DNAJC13: variants seen among roughly 807,000 people sequenced by gnomAD.
DNAJC13 encodes dnaJ homolog subfamily C member 13.
Under a neutral mutation model 290.5 loss-of-function variants are expected in DNAJC13, and 75 were observed. The ratio of observed to expected loss-of-function variants is 0.26; its 90% confidence interval spans 0.21 to 0.31. DNAJC13 has a LOEUF of 0.31. Ranked by LOEUF, DNAJC13 falls within the 10% of genes least tolerant of loss-of-function variation. The probability of loss-of-function intolerance (pLI) is 1.00; values close to 1 mark genes in which losing one functional copy is unlikely to be tolerated. For synonymous variants in DNAJC13, 862 were observed against 892.0 expected, an observed-to-expected ratio of 0.97 and a Z score of 0.60; for missense variants, 2,260 against 2,674.5, an observed-to-expected ratio of 0.85 and a Z score of 3.42.
intron 54 of DNAJC13, among the ~76,000 whole-genome samples, chr3:132,529,499 G>T (rs111464355): frequency 6.6e-6 from 1 of 152,132 alleles, no homozygotes; most frequent in Non-Finnish European, 1.5e-5. Context: ...GATTTAAAAT[G>T]ATATTAGGCT....
intron 2 of DNAJC13, among the ~76,000 whole-genome samples, chr3:132,435,858 A>G (rs1939371332): frequency 2.0e-5 from 3 of 152,202 alleles, no homozygotes; most frequent in Admixed American, 2.0e-4. Context: ...ACTTACTGCA[A>G]TGCTTTTCGA....
chr3:132,451,079 A>G (rs1933401429), intron 6 of DNAJC13, among the ~76,000 whole-genome samples: 1 of 152,132 alleles, frequency 6.6e-6, no homozygotes, highest in Admixed American at 6.6e-5. Flanking sequence ...TTTACACACA[A>G]TGGATGGCTT....
At position 132,502,308 on chromosome 3, in the gene DNAJC13, C is replaced by T. The variant is rs1301356173; in HGVS notation, c.4556C>T (p.Ala1519Val). Residue 1519 changes from alanine (A) to valine (V), a missense_variant, in exon 40 of 56, where the codon GCT becomes GTT. Physicochemically the swap from Ala to Val is moderately conservative, Grantham distance 64 (BLOSUM62 0). Coordinates refer to ENST00000260818, the MANE Select transcript of DNAJC13 (RefSeq NM_015268.4). ...YFGKSIPRVAALGVECVSSFA... is the reference protein window; with the variant it reads ...YFGKSIPRVAVLGVECVSSFA... ...TCTCAGAGTATTCCCCGCGTAGCTGCTCTTGGGGTAGAATGTGTCAGTTCT... is the reference window on the plus strand; with the variant it reads ...TCTCAGAGTATTCCCCGCGTAGCTGTTCTTGGGGTAGAATGTGTCAGTTCT... 1.2e-6 allele frequency: 2 copies of T among 1,612,094 alleles called. No homozygotes were observed. Among genetic ancestry groups the T allele is most frequent in the Non-Finnish European group, 1.7e-6 (2 of 1,179,564 alleles).
intron 21 of DNAJC13, chr3:132,474,292 G>T (rs1410198813): frequency 6.6e-6 from 1 of 152,242 alleles, no homozygotes; most frequent in Non-Finnish European, 1.5e-5. Context: ...CCAGGCTGGA[G>T]TGCAATGGCG....
chr3:132,479,905 G>C (rs1934611573), intron 25 of DNAJC13, among the ~76,000 whole-genome samples: 1 of 152,064 alleles, frequency 6.6e-6, no homozygotes, highest in African/African-American at 2.4e-5. Flanking sequence ...TTAAACTGAA[G>C]TGTAATTATA....
At position 132,466,384 on chromosome 3, in the gene DNAJC13, A is replaced by C. The variant is rs1349148447; in HGVS notation, c.2054A>C (p.Lys685Thr). 6.3e-7 allele frequency: 1 copy of C among 1,596,530 alleles called. No individual in the cohort carries two copies. Among genetic ancestry groups the C allele is most frequent in the South Asian group, 1.1e-5 (1 of 87,098 alleles). The change falls in exon 19 of 56, where the codon AAA becomes ACA. Residue 685 changes from lysine to threonine, a missense_variant. By Grantham distance (78) the Lys-to-Thr change is moderately conservative. Transcript: ENST00000260818. ...ADRMHVRDNV[K>T]IAMDQYGKFN... ...CGGATGCATGTTAGAGACAATGTGA[A>C]AATAGCAATGGTAAATATGACTGTC...
At chr3:132,520,725 T>G (rs1936064262) in intron 48 of DNAJC13, among the ~76,000 whole-genome samples, 1 of 152,196 alleles carries the variant, frequency 6.6e-6, no homozygotes, top group Admixed American at 6.5e-5. Context: ...CTAAATACAA[T>G]TAAAGTTTGC....
intron 1 of DNAJC13, among the ~76,000 whole-genome samples, chr3:132,418,872 C>A (rs891152211): frequency 2.0e-5 from 3 of 152,048 alleles, no homozygotes; most frequent in African/African-American, 7.2e-5. Context: ...AATATATTAC[C>A]AGTACTTTGA....
intron 11 of DNAJC13, 41 bp from the exon 12 acceptor site, chr3:132,456,622 T>C (rs762842262): frequency 2.5e-6 from 4 of 1,613,226 alleles, no homozygotes; most frequent in Middle Eastern, 1.7e-4. Context: ...TTACTAACTT[T>C]TGGTATGGAA....
chr3:132,511,814 T>C (rs1935786004), intron 44 of DNAJC13, among the ~76,000 whole-genome samples: 2 of 152,110 alleles, frequency 1.3e-5, no homozygotes. Flanking sequence ...CTAACTTAGA[T>C]AATAAATATA....
At chr3:132,473,515 A>G (rs1385816924) in intron 21 of DNAJC13, among the ~76,000 whole-genome samples, 4 of 152,206 alleles carry the variant, frequency 2.6e-5, no homozygotes, top group Non-Finnish European at 4.4e-5. Context: ...ATAATTGCAT[A>G]CTTCCTAGAT....
chr3:132,491,571 G>GA (rs1402536000), intron 32 of DNAJC13, among the ~76,000 whole-genome samples: 1 of 152,086 alleles, frequency 6.6e-6, no homozygotes, highest in Non-Finnish European at 1.5e-5. Context: ...TGTTGGGGGG[G>GA]AATGCCATAG....
intron 19 of DNAJC13, 119 bp downstream of exon 19, chr3:132,466,513 T>A: frequency 1.5e-6 from 1 of 675,422 alleles, no homozygotes; most frequent in Non-Finnish European, 2.3e-6. Flanking sequence ...TTGAATAGTA[T>A]ACTTAACTAT....
At position 132,507,278 on chromosome 3, in the gene DNAJC13, T is replaced by C. The variant is rs754358301; in HGVS notation, c.5040T>C (p.Ser1680=). 6.8e-6 allele frequency: 11 copies of C among 1,613,428 alleles called. No homozygotes were observed. The South Asian group carries it at 9.9e-5, about 15-fold the overall frequency. The change falls in exon 43 of 56, where the codon AGT becomes AGC. Residue 1680 remains serine (S), a synonymous_variant. Coordinates refer to ENST00000260818, the MANE Select transcript of DNAJC13 (RefSeq NM_015268.4). The stretch of plus-strand genomic sequence containing the variant: ...CTTATGGATCAGAATTTGTCTACAG[T>C]GATCATGCCAAAGAACTTATTGTAG... ...DKTYGSEFVY[S]DHAKELIVGE...
intron 55 of DNAJC13, among the ~76,000 whole-genome samples, chr3:132,532,757 TGA>T (rs977049765): frequency 6.6e-6 from 1 of 151,896 alleles, no homozygotes; most frequent in African/African-American, 2.4e-5. Context: ...TTTATTTTTT[TGA>T]GACAGTCTTG....
At chr3:132,425,001 G>C (rs1939053615) in intron 1 of DNAJC13, among the ~76,000 whole-genome samples, 1 of 152,022 alleles carries the variant, frequency 6.6e-6, no homozygotes, top group Non-Finnish European at 1.5e-5. Context: ...TTTAGTTGTA[G>C]CTATTTAATC....
intron 26 of DNAJC13, 85 bp from the exon 27 acceptor site, chr3:132,482,141 A>C: frequency 9.4e-7 from 1 of 1,063,002 alleles, no homozygotes; most frequent in Non-Finnish European, 1.4e-6. Context: ...ACCCCTCCAA[A>C]GTACTGCTGT....
chr3:132,517,887 T>G (rs1935964736), intron 48 of DNAJC13, among the ~76,000 whole-genome samples: 1 of 152,240 alleles, frequency 6.6e-6, no homozygotes, highest in Non-Finnish European at 1.5e-5. Flanking sequence ...TGAAACAGTT[T>G]TACTTTAGTA....
intron 40 of DNAJC13, among the ~76,000 whole-genome samples, chr3:132,502,977 T>C (rs1156711504): frequency 6.6e-6 from 1 of 152,258 alleles, no homozygotes; most frequent in African/African-American, 2.4e-5. Flanking sequence ...CTGTGAGATA[T>C]ACTGCATTGG....
Sources: gnomAD v4.1 joint callset for allele counts (sites outside exome capture counted in the v4.1 genomes callset) on GRCh38, gnomAD v4.1.1 for gene constraint, MANE v1.5 for transcripts, NCBI Gene and HGNC (gene_info 2026-07-23, HGNC 2026-07-21) for gene names.